The following HNRNPLL variants were observed in gnomAD, a reference collection of about 807,000 sequenced individuals.
The protein encoded by HNRNPLL is heterogeneous nuclear ribonucleoprotein L-like.
Under a neutral mutation model 67.1 loss-of-function variants are expected in HNRNPLL, and 25 were observed. The ratio of observed to expected loss-of-function variants is 0.37; its 90% CI spans 0.27 to 0.52. The LOEUF (loss-of-function observed/expected upper bound fraction) is 0.52. Among genes scored for constraint, HNRNPLL ranks in the 20% least tolerant of loss-of-function variants. The pLI is 0.90. For synonymous variants in HNRNPLL, 267 were observed against 241.7 expected, an observed-to-expected ratio of 1.10 and a Z score of -0.97; for missense variants, 542 against 673.9, an observed-to-expected ratio of 0.80 and a Z score of 2.17.
chr2:38,583,711 T>C, intron 4 of HNRNPLL, 130 bp downstream of exon 4: 1 of 502,294 alleles, frequency 2.0e-6, no homozygotes, highest in South Asian at 3.5e-5. Context: ...CAGTTTCATT[T>C]TTTAAAGCTA....
Position 38,594,082 on chromosome 2 carries a change from G to A in HNRNPLL, c.190-2434C>T, listed in dbSNP as rs562778263. ...ACCAGCTACTCTGGAGGCTGAGGCA[G>A]GAGAATGGCGTGAACCCAGGAGGCA... On this transcript the variant is annotated intron_variant, in intron 1 of 12. Coordinates refer to ENST00000449105, the MANE Select transcript of HNRNPLL (RefSeq NM_138394.4). Among the ~76,000 whole-genome samples the A allele has an allele frequency of 1.5e-4, 21 of 141,566 alleles. No individual in the cohort carries two copies. The East Asian group carries it at 4.6e-3, about 31-fold the overall frequency. 92.9% of individuals were successfully genotyped at this position (141,566 alleles called of 152,430 possible).
chr2:38,582,912 TA>T (rs1249619183), intron 4 of HNRNPLL, among the ~76,000 whole-genome samples: 5 of 149,482 alleles, frequency 3.3e-5, no homozygotes, highest in Non-Finnish European at 7.4e-5. Context: ...AAAGAAAACA[TA>T]ATACAACCGA....
At chr2:38,596,509 C>T (rs983796313) in intron 1 of HNRNPLL, among the ~76,000 whole-genome samples, 4 of 152,186 alleles carry the variant, frequency 2.6e-5, no homozygotes, top group Non-Finnish European at 5.9e-5. Flanking sequence ...CCACCTGCCT[C>T]AGCCTCCCGA....
intron 1 of HNRNPLL, among the ~76,000 whole-genome samples, chr2:38,598,033 T>A (rs749716194): frequency 6.6e-6 from 1 of 151,890 alleles, no homozygotes; most frequent in African/African-American, 2.4e-5. Context: ...TTTTTGCTCA[T>A]GTAATAGAAA....
chr2:38,576,519 T>C (rs1338898313), intron 7 of HNRNPLL, among the ~76,000 whole-genome samples: 1 of 151,674 alleles, frequency 6.6e-6, no homozygotes, highest in Non-Finnish European at 1.5e-5. Context: ...TTCTGCCATA[T>C]AGACTATGGA....
At chr2:38,578,721 T>C (rs992899492) in intron 6 of HNRNPLL, among the ~76,000 whole-genome samples, 2 of 152,074 alleles carry the variant, frequency 1.3e-5, no homozygotes, top group African/African-American at 4.8e-5. Flanking sequence ...CCAAAACCAA[T>C]AATAAGATTT....
At chr2:38,585,481 T>C (rs1239872907) in intron 3 of HNRNPLL, among the ~76,000 whole-genome samples, 163 bp downstream of exon 3, 1 of 152,238 alleles carries the variant, frequency 6.6e-6, no homozygotes. Flanking sequence ...ACTACAGTGC[T>C]CAGCATTTTT....
chr2:38,573,898 C>A (rs1666195828), intron 7 of HNRNPLL, among the ~76,000 whole-genome samples: 1 of 151,794 alleles, frequency 6.6e-6, no homozygotes, highest in Admixed American at 6.6e-5. Flanking sequence ...AAGTTGTTTC[C>A]TTGAATATAT....
Position 38,602,587 on chromosome 2 carries a change from C to T in HNRNPLL, c.40G>A (p.Glu14Lys), listed in dbSNP as rs1365716089. ...GCCTGGCTCTCGTACTCCCGGTCCT[C>T]CTCGTACGTCTCCCTGGGGGAGGAA... ...SSSSPRETYE[E>K]DREYESQAKR... The change falls in exon 1 of 13, where the codon GAG becomes AAG. Residue 14 changes from glutamate (E) to lysine (K), a missense_variant. This residue lies in a region of HNRNPLL where 127 missense variants were observed against 98.7 expected (regional missense o/e 1.29). Transcript: ENST00000449105. 2 of 1,572,720 alleles carry T rather than the reference C, an allele frequency of 1.3e-6. No individual in the cohort carries two copies. The highest frequency in any genetic ancestry group is 1.7e-6 in the Non-Finnish European group (2 of 1,161,708).
Position 38,565,727 on chromosome 2 carries a change from CAAAAAA to C in HNRNPLL, c.1574-1496_1574-1491del, listed in dbSNP as rs200356084. On this transcript the variant is annotated intron_variant, in intron 12 of 12. Coordinates refer to ENST00000449105, the MANE Select transcript of HNRNPLL (RefSeq NM_138394.4). ...CTAGGAGATGAGCAAGACCCTGTCTCAAAAAAAAAAAAAAAAAAAAAAAAAAAGGTG... is the reference window on the plus strand; with the variant it reads ...CTAGGAGATGAGCAAGACCCTGTCTCAAAAAAAAAAAAAAAAAAAAAGGTG... Among the ~76,000 whole-genome samples the C allele has an allele frequency of 7.2e-3, 530 of 73,260 alleles. 2 individuals carry two copies. Among genetic ancestry groups the C allele is most frequent in the Middle Eastern group, 0.021 (3 of 140 alleles). The allele number at this position is 73,260 out of a possible 152,430, so 48.1% of individuals were successfully genotyped here.
At chr2:38,588,340 G>T (rs1666814272) in intron 2 of HNRNPLL, among the ~76,000 whole-genome samples, 1 of 151,970 alleles carries the variant, frequency 6.6e-6, no homozygotes, top group South Asian at 2.1e-4. Context: ...ACAAGGTCAG[G>T]AGTTCAAGGC....
At chr2:38,569,589 G>GTT (rs1400860156) in intron 9 of HNRNPLL, among the ~76,000 whole-genome samples, 1 of 151,908 alleles carries the variant, frequency 6.6e-6, no homozygotes, top group Non-Finnish European at 1.5e-5. Context: ...ATTTTAACAC[G>GTT]TTTTATCATC....
At chr2:38,591,222 G>C (rs934902718) in intron 2 of HNRNPLL, among the ~76,000 whole-genome samples, 1 of 152,158 alleles carries the variant, frequency 6.6e-6, no homozygotes, top group Non-Finnish European at 1.5e-5. Context: ...TTTAAAGAGT[G>C]TTTGAACAGG....
intron 12 of HNRNPLL, among the ~76,000 whole-genome samples, chr2:38,564,533 C>A (rs944739635): frequency 7.0e-6 from 1 of 143,516 alleles, no homozygotes; most frequent in African/African-American, 2.6e-5. Flanking sequence ...GGCAGGAGAA[C>A]TGCATGAACC....
chr2:38,602,653 A>T lies in HNRNPLL; in HGVS notation c.-27T>A. 2.0e-6 allele frequency: 3 copies of T among 1,471,948 alleles called. No homozygotes were observed. The highest frequency in any genetic ancestry group is 2.7e-6 in the Non-Finnish European group (3 of 1,113,202). 91.2% of individuals were successfully genotyped at this position (1,471,948 alleles called of 1,614,324 possible). A position where few individuals can be genotyped will look rare whatever the true frequency, so the allele number is the denominator to read the frequency against. ...GCGGCGGCCGGAGGGACCGGCTGGC[A>T]GGCGGGTGGGGGTGGCGGTGGGGCG... On this transcript the variant is annotated 5_prime_UTR_variant, in exon 1 of 13. Transcript: ENST00000449105.
rs5830537 is a variant in HNRNPLL at position 38,579,741 on chromosome 2, A to ATT, written c.802+2170_802+2171dup. 4.6e-4 allele frequency among the ~76,000 whole-genome samples: 70 copies of ATT among 150,812 alleles called. 4 individuals carry two copies. The East Asian group carries it at 0.013, about 28-fold the overall frequency. On this transcript the variant is annotated intron_variant, in intron 6 of 12. Coordinates refer to ENST00000449105, the MANE Select transcript of HNRNPLL (RefSeq NM_138394.4). ...AGGGTATGTTTTTAAAAAAGTTTTT[A>ATT]TTTTTTTTGGTTAAAAAAAAAAATG...
intron 1 of HNRNPLL, among the ~76,000 whole-genome samples, chr2:38,595,272 T>TA (rs70954734): frequency 0.016 from 1,066 of 68,714 alleles, 21 homozygotes; most frequent in African/African-American, 0.028. Context: ...AGACCTTGTC[T>TA]AAAAAAAAAA....
chr2:38,594,955 C>T (rs1044821994), intron 1 of HNRNPLL, among the ~76,000 whole-genome samples: 2 of 151,264 alleles, frequency 1.3e-5, no homozygotes, highest in African/African-American at 4.9e-5. Flanking sequence ...AAAGAAATAA[C>T]CATGTACCCA....
intron 7 of HNRNPLL, among the ~76,000 whole-genome samples, chr2:38,575,667 T>G (rs1408963814): frequency 6.7e-6 from 1 of 149,852 alleles, no homozygotes; most frequent in Non-Finnish European, 1.5e-5. Context: ...TAATTAACTC[T>G]TTCTATTCCC....
Sources: allele counts gnomAD v4.1 joint callset (sites outside exome capture counted in the v4.1 genomes callset), GRCh38; gene constraint gnomAD v4.1.1; regional missense constraint gnomAD v4.1.1; transcripts MANE v1.5; gene names NCBI Gene and HGNC (gene_info 2026-07-23, HGNC 2026-07-21).